Variants in CTNNA3 observed in about 807,000 individuals in gnomAD.
CTNNA3 encodes catenin alpha 3, also known as catenin alpha-3.
CTNNA3 carries 76 observed loss-of-function variants against 95.7 expected under a neutral mutation model. The ratio of observed to expected loss-of-function variants is 0.79; its 90% CI spans 0.66 to 0.96. The LOEUF is 0.96. Ranked by LOEUF, CTNNA3 falls within the 40% of genes least tolerant of loss-of-function variation. The pLI is 0.00. For synonymous variants in CTNNA3, 431 were observed against 374.4 expected, an observed-to-expected ratio of 1.15 and a Z score of -1.74; for missense variants, 1,191 against 1,089.8, an observed-to-expected ratio of 1.09 and a Z score of -1.31.
chr10:66,888,012 G>A (rs1460464191), intron 7 of CTNNA3, among the ~76,000 whole-genome samples: 2 of 152,128 alleles, frequency 1.3e-5, no homozygotes, highest in South Asian at 2.1e-4. Flanking sequence ...TAGACACAAA[G>A]AGAGAAAATT....
intron 3 of CTNNA3, among the ~76,000 whole-genome samples, chr10:67,547,809 T>C (rs964101232): frequency 2.0e-5 from 3 of 152,102 alleles, no homozygotes; most frequent in Non-Finnish European, 4.4e-5. Flanking sequence ...ATAAAACATT[T>C]AGGAATAAAT....
chr10:67,665,676 C>A (rs1224701498), intron 1 of CTNNA3: 1 of 152,168 alleles, frequency 6.6e-6, no homozygotes, highest in Non-Finnish European at 1.5e-5. Flanking sequence ...AACAGCCTGA[C>A]AAGCACCCTA....
chr10:66,144,902 TC>T (rs1447273404), intron 13 of CTNNA3, among the ~76,000 whole-genome samples: 2 of 152,200 alleles, frequency 1.3e-5, no homozygotes, highest in Non-Finnish European at 2.9e-5. Context: ...CCACTCCCCT[TC>T]CACATATGCA....
At chr10:66,555,305 C>T (rs925873567) in intron 10 of CTNNA3, among the ~76,000 whole-genome samples, 2 of 152,082 alleles carry the variant, frequency 1.3e-5, no homozygotes, top group Non-Finnish European at 2.9e-5. Context: ...TCTGTTCATC[C>T]TCTCAACTGC....
At chr10:66,983,723 A>G (rs1411935890) in intron 7 of CTNNA3, among the ~76,000 whole-genome samples, 1 of 152,344 alleles carries the variant, frequency 6.6e-6, no homozygotes, top group East Asian at 1.9e-4. Flanking sequence ...ACAGCAAAAT[A>G]AATTATCCCA....
At chr10:66,975,960 C>T (rs1850005671) in intron 7 of CTNNA3, among the ~76,000 whole-genome samples, 2 of 152,178 alleles carry the variant, frequency 1.3e-5, no homozygotes, top group African/African-American at 4.8e-5. Context: ...CCAATAACTG[C>T]TTAACATGCT....
chr10:67,409,966 A>C (rs1845303614), intron 5 of CTNNA3, among the ~76,000 whole-genome samples: 1 of 152,144 alleles, frequency 6.6e-6, no homozygotes. Context: ...TCAAAGACCT[A>C]AAGACAAAAA....
intron 9 of CTNNA3, among the ~76,000 whole-genome samples, chr10:66,745,587 CTTT>C (rs368932444): frequency 2.7e-5 from 3 of 109,642 alleles, no homozygotes; most frequent in Non-Finnish European, 3.5e-5. Flanking sequence ...TGCAGACAGC[CTTT>C]TTTTTTTTTT....
At chr10:66,159,216 G>A (rs2084709509) in intron 13 of CTNNA3, among the ~76,000 whole-genome samples, 1 of 152,022 alleles carries the variant, frequency 6.6e-6, no homozygotes, top group African/African-American at 2.4e-5. Flanking sequence ...TGGTGAGAGT[G>A]GGCACGCTTG....
chr10:67,277,431 T>C (rs1679579127), intron 5 of CTNNA3, among the ~76,000 whole-genome samples: 1 of 152,150 alleles, frequency 6.6e-6, no homozygotes, highest in African/African-American at 2.4e-5. Flanking sequence ...CTGGGGAAGG[T>C]GAATGCTTCT....
intron 7 of CTNNA3, among the ~76,000 whole-genome samples, chr10:66,791,385 CT>C (rs1001223449): frequency 2.0e-5 from 3 of 152,160 alleles, no homozygotes; most frequent in African/African-American, 7.2e-5. Flanking sequence ...TCATTCCCTT[CT>C]TCTCCACAGG....
intron 7 of CTNNA3, among the ~76,000 whole-genome samples, chr10:66,875,526 C>T (rs1203535568): frequency 6.6e-6 from 1 of 152,062 alleles, no homozygotes; most frequent in Non-Finnish European, 1.5e-5. Flanking sequence ...CAGGTTAAGC[C>T]TCACTTGCTT....
At chr10:67,078,495 A>G (rs1856853929) in intron 7 of CTNNA3, among the ~76,000 whole-genome samples, 2 of 151,464 alleles carry the variant, frequency 1.3e-5, no homozygotes, top group Admixed American at 1.3e-4. Flanking sequence ...TATGATTTAT[A>G]AATTTTTTTC....
At chr10:66,552,986 T>A (rs1842267268) in intron 10 of CTNNA3, among the ~76,000 whole-genome samples, 1 of 152,082 alleles carries the variant, frequency 6.6e-6, no homozygotes, top group Admixed American at 6.6e-5. Flanking sequence ...CTAAAATCAA[T>A]TTTCTTTGAC....
chr10:66,124,941 C>T (rs993769667), intron 13 of CTNNA3, among the ~76,000 whole-genome samples: 1 of 152,034 alleles, frequency 6.6e-6, no homozygotes, highest in African/African-American at 2.4e-5. Flanking sequence ...ACCATATCAC[C>T]AAATAAGAGA....
At chr10:66,050,023 C>T (rs1056499290) in intron 15 of CTNNA3, among the ~76,000 whole-genome samples, 1 of 152,022 alleles carries the variant, frequency 6.6e-6, no homozygotes, top group Non-Finnish European at 1.5e-5. Context: ...TTATGAATGG[C>T]CAAATTAGTA....
Position 66,700,505 on chromosome 10 carries a change from G to T in CTNNA3, c.1281+65759C>A, listed in dbSNP as rs763485446. 7.8e-4 allele frequency among the ~76,000 whole-genome samples: 119 copies of T among 152,032 alleles called. 9 individuals carry two copies. Among genetic ancestry groups the T allele is most frequent in the Non-Finnish European group, 3.2e-4 (22 of 67,996 alleles). On this transcript the variant is annotated intron_variant, in intron 9 of 17. Transcript: ENST00000433211. Reference sequence around the variant, plus strand: ...CATTGGTCCATGCATCTGTTTTTATGCCAGTAACATAGTGTTTGGTTACTA... The same window carrying T: ...CATTGGTCCATGCATCTGTTTTTATTCCAGTAACATAGTGTTTGGTTACTA...
chr10:66,276,406 T>A (rs2091400081), intron 13 of CTNNA3, among the ~76,000 whole-genome samples: 1 of 152,114 alleles, frequency 6.6e-6, no homozygotes, highest in African/African-American at 2.4e-5. Context: ...CTCTCTCAAT[T>A]CAATTATGTA....
chr10:66,754,505 A>G (rs1198200310), intron 9 of CTNNA3, among the ~76,000 whole-genome samples: 4 of 152,176 alleles, frequency 2.6e-5, no homozygotes, highest in Admixed American at 6.5e-5. Context: ...AAAGAAAAAA[A>G]TAGATAAGCT....
Sources: allele counts gnomAD v4.1 joint callset (sites outside exome capture counted in the v4.1 genomes callset), GRCh38; gene constraint gnomAD v4.1.1; transcripts MANE v1.5; gene names NCBI Gene and HGNC (gene_info 2026-07-23, HGNC 2026-07-21).